Variants in GTF2F2 observed in about 807,000 individuals in gnomAD.
GTF2F2 encodes the protein ATP-dependent helicase GTF2F2.
GTF2F2 carries 23 observed loss-of-function variants against 42.2 expected under a neutral mutation model. The observed-to-expected ratio is 0.55, with a 90% CI of 0.39 to 0.77. The LOEUF is 0.77. Among genes scored for constraint, GTF2F2 ranks in the 30% least tolerant of loss-of-function variants. The pLI is 0.00. For synonymous variants in GTF2F2, 105 were observed against 100.8 expected (o/e 1.04, Z -0.25); for missense variants, 261 against 287.2 (o/e 0.91, Z 0.66).
At chr13:45,194,301 G>C in intron 4 of GTF2F2, 1 of 1,614,118 alleles carries the variant, frequency 6.2e-7, no homozygotes. Flanking sequence ...GGAAGTTTAG[G>C]ACATGCCTGA....
intron 4 of GTF2F2, among the ~76,000 whole-genome samples, chr13:45,191,224 A>AAAAAATATATATATATATATATATAT: frequency 1.9e-4 from 14 of 75,292 alleles, no homozygotes; most frequent in Non-Finnish European, 2.4e-4. Flanking sequence ...ACAAAAAAAA[A>AAAAAATATATATATATATATATATAT]ATATATATAT....
At chr13:45,185,103 G>C (rs1872356120) in intron 4 of GTF2F2, among the ~76,000 whole-genome samples, 1 of 152,124 alleles carries the variant, frequency 6.6e-6, no homozygotes, top group Non-Finnish European at 1.5e-5. Context: ...GATTATAGGT[G>C]CGACACCCCG....
chr13:45,235,749 C>G (rs1190945715), intron 5 of GTF2F2, among the ~76,000 whole-genome samples: 3 of 151,930 alleles, frequency 2.0e-5, no homozygotes, highest in Non-Finnish European at 4.4e-5. Flanking sequence ...ACTACCACAC[C>G]TGGCTTTTAT....
At chr13:45,134,616 C>T in intron 1 of GTF2F2, among the ~76,000 whole-genome samples, 1 of 152,102 alleles carries the variant, frequency 6.6e-6, no homozygotes, top group African/African-American at 2.4e-5. Flanking sequence ...TTTGCCAAAT[C>T]CTCTAAGCTT....
At chr13:45,209,375 C>T (rs1873543058) in intron 5 of GTF2F2, among the ~76,000 whole-genome samples, 1 of 152,128 alleles carries the variant, frequency 6.6e-6, no homozygotes, top group Admixed American at 6.5e-5. Flanking sequence ...AGTGAAATTG[C>T]CTAACAATGT....
chr13:45,266,230 TTA>T (rs572055314), intron 6 of GTF2F2, among the ~76,000 whole-genome samples: 22 of 152,298 alleles, frequency 1.4e-4, no homozygotes, highest in African/African-American at 5.3e-4. Flanking sequence ...TTACTTCATG[TTA>T]AAAAATAAAG....
Position 45,267,325 on chromosome 13 carries a change from A to G in GTF2F2, c.579A>G (p.Lys193=). ...ACATGCTATTTTCAGCCTTTGAGAA[A>G]CATCAATACTATAATCTTAAGGACT... is the stretch of plus-strand genomic sequence containing the variant. ...VLDMLFSAFE[K]HQYYNLKDLV... The change falls in exon 7 of 8, where the codon AAA becomes AAG. Residue 193 remains lysine, a synonymous_variant. Transcript: ENST00000340473. 2 of 1,610,964 alleles carry G rather than the reference A, an allele frequency of 1.2e-6. No individual in the cohort carries two copies. Among genetic ancestry groups the G allele is most frequent in the Non-Finnish European group, 8.5e-7 (1 of 1,177,234 alleles).
In GTF2F2 at chr13:45,267,322, G is replaced by A; in HGVS notation, c.576G>A (p.Glu192=). 1 of 1,611,260 alleles carries A rather than the reference G, an allele frequency of 6.2e-7. No individual in the cohort carries two copies. Among genetic ancestry groups the A allele is most frequent in the African/African-American group, 1.3e-5 (1 of 74,942 alleles). Residue 192 remains glutamate (E), a synonymous_variant, in exon 7 of 8, where the codon GAG becomes GAA. Coordinates refer to ENST00000340473, the MANE Select transcript of GTF2F2 (RefSeq NM_004128.3). ...TAGACATGCTATTTTCAGCCTTTGA[G>A]AAACATCAATACTATAATCTTAAGG... is the stretch of plus-strand genomic sequence containing the variant. ...HVLDMLFSAF[E]KHQYYNLKDL...
chr13:45,216,691 G>A (rs1165524409), intron 5 of GTF2F2, among the ~76,000 whole-genome samples: 1 of 151,568 alleles, frequency 6.6e-6, no homozygotes, highest in African/African-American at 2.4e-5. Context: ...CTATTTTTTT[G>A]CATTTTTAGT....
chr13:45,150,861 T>C (rs972729441), intron 3 of GTF2F2, among the ~76,000 whole-genome samples: 2 of 152,062 alleles, frequency 1.3e-5, no homozygotes, highest in Non-Finnish European at 2.9e-5. Context: ...ATAATCTTAC[T>C]CCTGTTTTGG....
At chr13:45,271,215 C>T (rs1221458340) in intron 7 of GTF2F2, among the ~76,000 whole-genome samples, 2 of 151,456 alleles carry the variant, frequency 1.3e-5, no homozygotes, top group African/African-American at 2.4e-5. Context: ...GGTGTGAACC[C>T]GGGAGGCGGA....
At chr13:45,134,698 T>C (rs1159017251) in intron 1 of GTF2F2, among the ~76,000 whole-genome samples, 1 of 152,152 alleles carries the variant, frequency 6.6e-6, no homozygotes, top group East Asian at 1.9e-4. Flanking sequence ...CTCCTTCCCT[T>C]AGATCTATTA....
intron 5 of GTF2F2, among the ~76,000 whole-genome samples, chr13:45,248,319 A>G (rs1266848285): frequency 2.0e-5 from 3 of 152,074 alleles, no homozygotes; most frequent in East Asian, 3.9e-4. Flanking sequence ...CACTTTCTCT[A>G]TGTCTATGGG....
intron 5 of GTF2F2, among the ~76,000 whole-genome samples, chr13:45,238,278 C>G (rs1227105297): frequency 6.6e-6 from 1 of 152,076 alleles, no homozygotes; most frequent in Non-Finnish European, 1.5e-5. Flanking sequence ...AAGAATGAAA[C>G]TCAAGTATTT....
intron 4 of GTF2F2, among the ~76,000 whole-genome samples, chr13:45,202,402 A>G (rs1873235297): frequency 6.6e-6 from 1 of 152,060 alleles, no homozygotes; most frequent in Non-Finnish European, 1.5e-5. Context: ...AAAACAAAAC[A>G]AAAAACTCTT....
rs1156397835 is a variant in GTF2F2 at position 45,223,592 on chromosome 13, C to T, written c.386+16087C>T. Among the ~76,000 whole-genome samples the T allele has an allele frequency of 3.9e-5, 6 of 152,176 alleles. 1 individual carries two copies. In the South Asian group the frequency reaches 1.2e-3, roughly 32 times the overall value. On this transcript the variant is annotated intron_variant, in intron 5 of 7. Coordinates refer to ENST00000340473, the MANE Select transcript of GTF2F2 (RefSeq NM_004128.3). The stretch of plus-strand genomic sequence containing the variant: ...ACTTCTATTTGTGTTATCATTAACG[C>T]ATTTCAGTAGCACATTTTTTAAATA...
At chr13:45,253,731 A>G (rs1184273577) in intron 6 of GTF2F2, among the ~76,000 whole-genome samples, 1 of 152,174 alleles carries the variant, frequency 6.6e-6, no homozygotes, top group Non-Finnish European at 1.5e-5. Flanking sequence ...CTACCCACCC[A>G]TTAGTCACTT....
chr13:45,227,899 A>G (rs1874439483), intron 5 of GTF2F2, among the ~76,000 whole-genome samples: 1 of 152,202 alleles, frequency 6.6e-6, no homozygotes, highest in Non-Finnish European at 1.5e-5. Flanking sequence ...GTGATGGCCC[A>G]AGGGATGAGT....
chr13:45,159,123 A>G (rs1593461536), intron 4 of GTF2F2, among the ~76,000 whole-genome samples: 2 of 152,246 alleles, frequency 1.3e-5, no homozygotes, highest in Admixed American at 6.5e-5. Flanking sequence ...ACATATTGTC[A>G]TGAGACATAT....
Sources: allele counts gnomAD v4.1 joint callset (sites outside exome capture counted in the v4.1 genomes callset), GRCh38; gene constraint gnomAD v4.1.1; transcripts MANE v1.5; gene names NCBI Gene and HGNC (gene_info 2026-07-23, HGNC 2026-07-21).